APBA2: variants seen among roughly 807,000 people sequenced by gnomAD.
APBA2 encodes amyloid-beta A4 precursor protein-binding family A member 2.
Under a neutral mutation model 75.0 loss-of-function variants are expected in APBA2, and 30 were observed. That is an observed-to-expected ratio of 0.40 (90% CI 0.30 to 0.54). The LOEUF (loss-of-function observed/expected upper bound fraction) is 0.54. Among genes scored for constraint, APBA2 ranks in the 20% least tolerant of loss-of-function variants. The pLI, the probability that APBA2 is intolerant of heterozygous loss-of-function variation, is 0.49. For synonymous variants in APBA2, 444 were observed against 409.6 expected (o/e 1.08, Z -1.01); for missense variants, 801 against 1,016.1 (o/e 0.79, Z 2.88).
At chr15:28,965,718 T>G (rs1566851214) in intron 2 of APBA2, among the ~76,000 whole-genome samples, 1 of 152,190 alleles carries the variant, frequency 6.6e-6, no homozygotes, top group South Asian at 2.1e-4. Flanking sequence ...CTTCTTGTTA[T>G]CTTTAGAGCA....
chr15:28,973,372 G>A (rs1200068402), intron 2 of APBA2, among the ~76,000 whole-genome samples: 1 of 152,200 alleles, frequency 6.6e-6, no homozygotes, highest in Admixed American at 6.5e-5. Context: ...TACTGAATAT[G>A]AGCTGTACCA....
At chr15:29,087,929 C>T (rs1483202289) in intron 6 of APBA2, among the ~76,000 whole-genome samples, 1 of 152,210 alleles carries the variant, frequency 6.6e-6, no homozygotes, top group Admixed American at 6.5e-5. Context: ...TTGCTCGCCC[C>T]TCCACTGGCT....
chr15:29,002,954 C>T (rs1055316966), intron 3 of APBA2, among the ~76,000 whole-genome samples: 1 of 151,964 alleles, frequency 6.6e-6, no homozygotes, highest in Non-Finnish European at 1.5e-5. Context: ...GGAAGACGGG[C>T]GTTCCAGGCA....
intron 2 of APBA2, among the ~76,000 whole-genome samples, chr15:28,955,776 G>A (rs539854878): frequency 6.6e-6 from 1 of 152,350 alleles, no homozygotes; most frequent in Admixed American, 6.5e-5. Flanking sequence ...GGCATGGGGG[G>A]CCTTGGTGGG....
chr15:28,997,466 C>T (rs986423019), intron 3 of APBA2, among the ~76,000 whole-genome samples: 1 of 152,200 alleles, frequency 6.6e-6, no homozygotes, highest in Non-Finnish European at 1.5e-5. Context: ...GATACATCAT[C>T]CACTCTCAGC....
intron 7 of APBA2, among the ~76,000 whole-genome samples, chr15:29,093,614 CTT>C (rs1414352749): frequency 6.6e-6 from 1 of 152,198 alleles, no homozygotes; most frequent in Non-Finnish European, 1.5e-5. Flanking sequence ...TCAAGAAAAA[CTT>C]TGACCTGCTT....
At position 28,975,858 on chromosome 15, in the gene APBA2, G is replaced by A. The variant is rs188819290; in HGVS notation, c.-94-19895G>A. Among the ~76,000 whole-genome samples the A allele has an allele frequency of 2.0e-4, 30 of 152,324 alleles. 1 individual carries two copies. Among genetic ancestry groups the A allele is most frequent in the Admixed American group, 1.4e-3 (21 of 15,292 alleles). ...CAAAACAAAACAATACAAGTTTGAT[G>A]GCGCCCTCTATTGGCGAGGCTGTGG... is the stretch of plus-strand genomic sequence containing the variant. On this transcript the variant is annotated intron_variant, in intron 2 of 14. Transcript: ENST00000683413.
At chr15:29,041,537 C>T (rs1011337806) in intron 3 of APBA2, among the ~76,000 whole-genome samples, 6 of 149,740 alleles carry the variant, frequency 4.0e-5, no homozygotes, top group African/African-American at 1.2e-4. Flanking sequence ...ACAATAGCAT[C>T]CCCCCAAAAA....
At chr15:29,113,358 G>A (rs546476490) in intron 13 of APBA2, among the ~76,000 whole-genome samples, 3 of 152,072 alleles carry the variant, frequency 2.0e-5, no homozygotes, top group Non-Finnish European at 4.4e-5. Flanking sequence ...TGGCGGGGGG[G>A]GGATGTAGGA....
chr15:29,117,320 C>T lies in APBA2; in HGVS notation c.*187C>T. 1 of 611,920 alleles carries T rather than the reference C, an allele frequency of 1.6e-6. No individual in the cohort carries two copies. Among genetic ancestry groups the T allele is most frequent in the East Asian group, 2.8e-5 (1 of 36,358 alleles). The allele number at this position is 611,920 out of a possible 1,614,324, so 37.9% of individuals were successfully genotyped here. ...TTGCCAAAAAGGGGTATGTCTTTATCAAAGGAGAGTCACAGAACAAATGTT... is the reference window on the plus strand; with the variant it reads ...TTGCCAAAAAGGGGTATGTCTTTATTAAAGGAGAGTCACAGAACAAATGTT... On this transcript the variant is annotated 3_prime_UTR_variant, in exon 15 of 15. Transcript: ENST00000683413.
chr15:29,057,721 T>G (rs1044710402), intron 4 of APBA2, among the ~76,000 whole-genome samples: 1 of 152,248 alleles, frequency 6.6e-6, no homozygotes, highest in Non-Finnish European at 1.5e-5. Flanking sequence ...GTATAACATA[T>G]TTCTCTGTAC....
At chr15:29,008,379 A>G (rs1438848333) in intron 3 of APBA2, among the ~76,000 whole-genome samples, 3 of 152,208 alleles carry the variant, frequency 2.0e-5, no homozygotes, top group Non-Finnish European at 1.5e-5. Context: ...AAGGCTTCCA[A>G]TGGTAAATTT....
intron 14 of APBA2, among the ~76,000 whole-genome samples, chr15:29,116,316 C>T (rs552486804): frequency 6.6e-6 from 1 of 152,232 alleles, no homozygotes; most frequent in South Asian, 2.1e-4. Flanking sequence ...ACTTTCCTGG[C>T]CCGTGTGTGT....
At chr15:29,014,938 C>A (rs984094561) in intron 3 of APBA2, among the ~76,000 whole-genome samples, 1 of 152,050 alleles carries the variant, frequency 6.6e-6, no homozygotes, top group African/African-American at 2.4e-5. Context: ...TCTCCATTTC[C>A]TTCAAAATCA....
intron 2 of APBA2, among the ~76,000 whole-genome samples, chr15:28,975,476 G>A (rs564615694): frequency 8.5e-5 from 13 of 152,256 alleles, no homozygotes; most frequent in African/African-American, 2.4e-4. Context: ...AAATTTTGTC[G>A]ATATCTTTCA....
intron 2 of APBA2, among the ~76,000 whole-genome samples, chr15:28,943,170 G>C (rs1257143127): frequency 3.3e-5 from 5 of 152,184 alleles, no homozygotes; most frequent in Non-Finnish European, 7.3e-5. Context: ...CTGATTTCTG[G>C]CCAGTCAGGC....
intron 3 of APBA2, among the ~76,000 whole-genome samples, chr15:29,043,064 G>A (rs1313823610): frequency 1.3e-5 from 2 of 152,246 alleles, no homozygotes; most frequent in Non-Finnish European, 2.9e-5. Flanking sequence ...ACTTCTTACT[G>A]TTAGACGTAA....
chr15:29,048,217 A>G (rs1595828018), intron 3 of APBA2, among the ~76,000 whole-genome samples: 1 of 152,302 alleles, frequency 6.6e-6, no homozygotes, highest in African/African-American at 2.4e-5. Context: ...GGGTGATGAC[A>G]CATGCCTGTA....
chr15:28,940,785 T>C (rs2035176022), intron 2 of APBA2, among the ~76,000 whole-genome samples: 1 of 152,052 alleles, frequency 6.6e-6, no homozygotes, highest in South Asian at 2.1e-4. Context: ...GGGCGGGAAA[T>C]GTACAAGTTG....
Sources: allele counts gnomAD v4.1 joint callset (sites outside exome capture counted in the v4.1 genomes callset), GRCh38; gene constraint gnomAD v4.1.1; transcripts MANE v1.5; gene names NCBI Gene and HGNC (gene_info 2026-07-23, HGNC 2026-07-21).